Variants in KLF9 observed in about 807,000 individuals in gnomAD.
KLF9 encodes Krueppel-like factor 9.
A neutral mutation model predicts 17.3 loss-of-function variants in KLF9; 2 were observed. The observed-to-expected ratio is 0.12, with a 90% CI of 0.05 to 0.36. KLF9 has a LOEUF of 0.36. KLF9 is among the 10% of genes least tolerant of loss of function. KLF9 has a pLI of 1.00. For synonymous variants in KLF9, 138 were observed against 139.2 expected (o/e 0.99, Z 0.06); for missense variants, 226 against 333.2 (o/e 0.68, Z 2.51).
At chr9:70,400,787 T>C (rs973418798) in intron 1 of KLF9, among the ~76,000 whole-genome samples, 6 of 152,106 alleles carry the variant, frequency 3.9e-5, no homozygotes, top group Admixed American at 2.0e-4. Flanking sequence ...ACATGCCACA[T>C]GGGCCACCAG....
intron 1 of KLF9, among the ~76,000 whole-genome samples, chr9:70,407,259 T>C (rs2037262253): frequency 6.6e-6 from 1 of 152,212 alleles, no homozygotes; most frequent in Admixed American, 6.5e-5. Flanking sequence ...GAGACAGGAA[T>C]GTAAATCTGA....
intron 1 of KLF9, among the ~76,000 whole-genome samples, chr9:70,401,980 C>T (rs1384960754): frequency 6.6e-6 from 1 of 151,734 alleles, no homozygotes; most frequent in African/African-American, 2.4e-5. Context: ...TGCCACTGCA[C>T]TCCAGCCTGG....
chr9:70,408,677 T>C (rs73649117), intron 1 of KLF9, among the ~76,000 whole-genome samples: 4,033 of 152,122 alleles, frequency 0.027, 102 homozygotes, highest in African/African-American at 0.067. Flanking sequence ...GACCAAACAG[T>C]TGACTCCAAA....
At chr9:70,409,122 GTA>G (rs1554708147) in intron 1 of KLF9, among the ~76,000 whole-genome samples, 1 of 76,988 alleles carries the variant, frequency 1.3e-5, no homozygotes. Flanking sequence ...ATACATATAT[GTA>G]TATATGTATA....
At position 70,414,548 on chromosome 9, in the gene KLF9, T is replaced by C. The variant is rs2037367974; in HGVS notation, c.-1185A>G. 6 of 152,300 alleles carry C rather than the reference T, an allele frequency of 3.9e-5. No individual in the cohort carries two copies. In the South Asian group the frequency reaches 1.2e-3, roughly 32 times the overall value. 9.4% of individuals were successfully genotyped at this position (152,300 alleles called of 1,614,324 possible). A position where few individuals can be genotyped will look rare whatever the true frequency, so the allele number is the denominator to read the frequency against. On this transcript the variant is annotated 5_prime_UTR_variant, in exon 1 of 2. Coordinates refer to ENST00000377126, the MANE Select transcript of KLF9 (RefSeq NM_001206.4). Reference sequence around the variant, plus strand: ...GTATTTTGTGTTGCTGGTAGTAAATTTGAGTTATGGATGAGAGGACAGGGG... The same window carrying C: ...GTATTTTGTGTTGCTGGTAGTAAATCTGAGTTATGGATGAGAGGACAGGGG...
chr9:70,397,237 G>A lies in KLF9; in HGVS notation c.506-9232C>T, dbSNP rs192529753. 5.3e-5 allele frequency among the ~76,000 whole-genome samples: 8 copies of A among 152,242 alleles called. No homozygotes were observed. The East Asian group carries it at 1.5e-3, about 29-fold the overall frequency. ...ACACCTGTAATCCAGCACTTTGGGA[G>A]GCCAAGGGGGGTGGATCGCTTGAGG... On this transcript the variant is annotated intron_variant, in intron 1 of 1. Coordinates refer to ENST00000377126, the MANE Select transcript of KLF9 (RefSeq NM_001206.4).
chr9:70,393,300 G>A (rs1481104665), intron 1 of KLF9, among the ~76,000 whole-genome samples: 1 of 152,160 alleles, frequency 6.6e-6, no homozygotes, highest in Non-Finnish European at 1.5e-5. Context: ...GAGCCTCCTC[G>A]ACTGCTGATT....
chr9:70,401,701 A>AAAAAG lies in KLF9; in HGVS notation c.505+11153_505+11157dup, dbSNP rs1554707668. Among the ~76,000 whole-genome samples the AAAAAG allele has an allele frequency of 1.3e-3, 187 of 149,520 alleles. 1 individual carries two copies. Among genetic ancestry groups the AAAAAG allele is most frequent in the African/African-American group, 3.9e-3 (158 of 40,602 alleles). Reference sequence around the variant, plus strand: ...GACTCCTTCACAAAAAAAAAAAAAAAAAAAGAAAAGAAAAGAAAAGAAAAA... The same window carrying AAAAAG: ...GACTCCTTCACAAAAAAAAAAAAAAAAAAAGAAAAGAAAAGAAAAGAAAAGAAAAA... On this transcript the variant is annotated intron_variant, in intron 1 of 1. Coordinates refer to ENST00000377126, the MANE Select transcript of KLF9 (RefSeq NM_001206.4).
intron 1 of KLF9, among the ~76,000 whole-genome samples, chr9:70,394,458 C>T (rs1448847861): frequency 6.6e-6 from 1 of 152,032 alleles, no homozygotes; most frequent in Non-Finnish European, 1.5e-5. Flanking sequence ...GCTCTGAAAC[C>T]TTTCCTCTGC....
chr9:70,404,923 A>G (rs1051244029), intron 1 of KLF9, among the ~76,000 whole-genome samples: 7 of 152,184 alleles, frequency 4.6e-5, no homozygotes, highest in Admixed American at 6.5e-5. Context: ...AGAAGGACCC[A>G]AAAGCCTGTG....
At chr9:70,390,535 C>A (rs1007820725) in intron 1 of KLF9, among the ~76,000 whole-genome samples, 4 of 152,182 alleles carry the variant, frequency 2.6e-5, no homozygotes, top group African/African-American at 9.7e-5. Context: ...CAGATTGTTA[C>A]AACCCCATCA....
chr9:70,386,146 A>C lies in KLF9; in HGVS notation c.*1630T>G, dbSNP rs2037109174. The stretch of plus-strand genomic sequence containing the variant: ...AGCTCCCTGTTTTAAATATCAGATA[A>C]AATCATCAGAAAGCGTTACTTCTGA... On this transcript the variant is annotated 3_prime_UTR_variant, in exon 2 of 2. Coordinates refer to ENST00000377126, the MANE Select transcript of KLF9 (RefSeq NM_001206.4). 6.6e-6 allele frequency: 1 copy of C among 152,594 alleles called. No individual in the cohort carries two copies. The highest frequency in any genetic ancestry group is 2.4e-5 in the African/African-American group (1 of 41,416). The allele number at this position is 152,594 out of a possible 1,614,324, so 9.5% of individuals were successfully genotyped here. A position where few individuals can be genotyped will look rare whatever the true frequency, so the allele number is the denominator to read the frequency against.
rs1169361041 is a variant in KLF9, at chr9:70,409,179, T to C, written c.505+3680A>G. The stretch of plus-strand genomic sequence containing the variant: ...ATATATACACATATATGTATATATA[T>C]GTATACATATACATGTATATGTATA... On this transcript the variant is annotated intron_variant, in intron 1 of 1. Coordinates refer to ENST00000377126, the MANE Select transcript of KLF9 (RefSeq NM_001206.4). Among the ~76,000 whole-genome samples the C allele has an allele frequency of 9.1e-5, 6 of 65,616 alleles. 2 individuals carry two copies. Among genetic ancestry groups the C allele is most frequent in the Non-Finnish European group, 2.4e-4 (6 of 24,770 alleles). 43.0% of individuals were successfully genotyped at this position (65,616 alleles called of 152,430 possible).
At chr9:70,405,085 A>G (rs528501380) in intron 1 of KLF9, among the ~76,000 whole-genome samples, 1 of 152,354 alleles carries the variant, frequency 6.6e-6, no homozygotes, top group South Asian at 2.1e-4. Flanking sequence ...TGGAAGACAG[A>G]GATGGTGAAA....
At chr9:70,401,701 A>AAAAAAG (rs2037223195) in intron 1 of KLF9, among the ~76,000 whole-genome samples, 5 of 149,570 alleles carry the variant, frequency 3.3e-5, no homozygotes, top group African/African-American at 7.4e-5. Flanking sequence ...AAAAAAAAAA[A>AAAAAAG]AAAAGAAAAG....
At chr9:70,406,436 G>C (rs1369878753) in intron 1 of KLF9, among the ~76,000 whole-genome samples, 1 of 152,152 alleles carries the variant, frequency 6.6e-6, no homozygotes, top group African/African-American at 2.4e-5. Context: ...CTTTCTTAAA[G>C]ACAAAATGAT....
chr9:70,407,978 G>T (rs952643890), intron 1 of KLF9, among the ~76,000 whole-genome samples: 1 of 152,176 alleles, frequency 6.6e-6, no homozygotes, highest in Non-Finnish European at 1.5e-5. Flanking sequence ...GCAAAAATTG[G>T]TTCTGTGACA....
intron 1 of KLF9, among the ~76,000 whole-genome samples, chr9:70,409,164 A>G (rs570101571): frequency 0.012 from 443 of 38,206 alleles, 30 homozygotes; most frequent in African/African-American, 0.017. Context: ...ATATATACAC[A>G]TATATGTATA....
intron 1 of KLF9, among the ~76,000 whole-genome samples, chr9:70,411,769 T>C (rs371082344): frequency 2.2e-4 from 33 of 152,090 alleles, no homozygotes; most frequent in African/African-American, 8.0e-4. Context: ...TCCAACTAAC[T>C]CCAACAATAC....
Sources: allele counts gnomAD v4.1 joint callset (sites outside exome capture counted in the v4.1 genomes callset), GRCh38; gene constraint gnomAD v4.1.1; transcripts MANE v1.5; gene names NCBI Gene and HGNC (gene_info 2026-07-23, HGNC 2026-07-21).